PDE4B: variants seen among roughly 807,000 people sequenced by gnomAD.
PDE4B encodes the protein phosphodiesterase 4B, also known as 3',5'-cyclic-AMP phosphodiesterase 4B.
A neutral mutation model predicts 82.2 loss-of-function variants in PDE4B; 20 were observed. The observed-to-expected ratio is 0.24, with a 90% CI of 0.17 to 0.35. The LOEUF is 0.35. Ranked by LOEUF, PDE4B falls within the 10% of genes least tolerant of loss-of-function variation. PDE4B has a pLI of 1.00. For missense variants in PDE4B, 655 were observed against 907.2 expected (o/e 0.72, Z 3.57); for synonymous variants, 320 against 318.9 (o/e 1.00, Z -0.04).
Position 66,119,498 on chromosome 1 carries a change from A to G in PDE4B, c.282-127962A>G, listed in dbSNP as rs1645666174. On this transcript the variant is annotated intron_variant, in intron 3 of 16. Transcript: ENST00000341517. ...TGCGTGTATTCACTTCCCAGGAGAA[A>G]TAATATTGTCTAGCATTCTCTATAA... 2.2e-3 allele frequency among the ~76,000 whole-genome samples: 3 copies of G among 1,390 alleles called. No homozygotes were observed. In the South Asian group the frequency reaches 0.19, roughly 87 times the overall value. 0.9% of individuals were successfully genotyped at this position (1,390 alleles called of 152,430 possible).
rs181839625 is a variant in PDE4B, at chr1:66,206,497, G to C, written c.282-40963G>C. Among the ~76,000 whole-genome samples, 3 of 152,262 alleles carry C rather than the reference G, an allele frequency of 2.0e-5. No individual in the cohort carries two copies. In the East Asian group the frequency reaches 5.8e-4, roughly 29 times the overall value. On this transcript the variant is annotated intron_variant, in intron 3 of 16. Transcript: ENST00000341517. ...AAGCAGCAAGAAGGTAGAAGACTTG[G>C]TTAGGCTAGGTATACCAAACATTCT...
chr1:66,012,446 T>C (rs1652538828), intron 3 of PDE4B, among the ~76,000 whole-genome samples: 1 of 152,156 alleles, frequency 6.6e-6, no homozygotes, highest in Non-Finnish European at 1.5e-5. Context: ...TTTTTGCTTT[T>C]GTGTTCTGTC....
At chr1:66,178,145 GT>G (rs909744679) in intron 3 of PDE4B, among the ~76,000 whole-genome samples, 43 of 151,700 alleles carry the variant, frequency 2.8e-4, no homozygotes, top group African/African-American at 1.0e-3. Flanking sequence ...ACCAAGTAAT[GT>G]TTTTTTCTCT....
At chr1:66,071,772 A>T (rs1656166974) in intron 3 of PDE4B, among the ~76,000 whole-genome samples, 1 of 152,026 alleles carries the variant, frequency 6.6e-6, no homozygotes, top group South Asian at 2.1e-4. Flanking sequence ...ATGCTGTAAG[A>T]CTACGTGTTA....
chr1:65,845,311 C>G (rs1387118538), intron 1 of PDE4B, among the ~76,000 whole-genome samples: 1 of 152,146 alleles, frequency 6.6e-6, no homozygotes, highest in Non-Finnish European at 1.5e-5. Context: ...TTTTTCCAAT[C>G]TAAATTTTTA....
At chr1:66,005,972 T>C (rs1652125370) in intron 3 of PDE4B, among the ~76,000 whole-genome samples, 1 of 152,178 alleles carries the variant, frequency 6.6e-6, no homozygotes, top group Non-Finnish European at 1.5e-5. Context: ...ATAGTATGAA[T>C]ATTCAATACC....
chr1:65,805,535 C>T (rs779710747), intron 1 of PDE4B, among the ~76,000 whole-genome samples: 1 of 152,036 alleles, frequency 6.6e-6, no homozygotes, highest in African/African-American at 2.4e-5. Flanking sequence ...AATCATTGTG[C>T]AGCTTTTTTT....
At chr1:66,097,875 T>C (rs899906762) in intron 3 of PDE4B, among the ~76,000 whole-genome samples, 24 of 140,134 alleles carry the variant, frequency 1.7e-4, no homozygotes, top group East Asian at 1.4e-3. Flanking sequence ...TTTTTTTTTT[T>C]GTATTTTTTA....
At chr1:65,823,914 C>A (rs1205801543) in intron 1 of PDE4B, among the ~76,000 whole-genome samples, 2 of 152,190 alleles carry the variant, frequency 1.3e-5, no homozygotes, top group Non-Finnish European at 2.9e-5. Context: ...TGAAAGCAAT[C>A]ATCCATTCTC....
chr1:65,937,116 T>TG (rs781619028), intron 3 of PDE4B, among the ~76,000 whole-genome samples: 4 of 152,198 alleles, frequency 2.6e-5, no homozygotes, highest in Non-Finnish European at 5.9e-5. Context: ...ATTATAAATA[T>TG]GGTTGCTTGT....
chr1:66,108,361 T>C (rs1166349151), intron 3 of PDE4B, among the ~76,000 whole-genome samples: 1 of 151,850 alleles, frequency 6.6e-6, no homozygotes, highest in African/African-American at 2.4e-5. Context: ...GAAGAAAACA[T>C]AGGGGAAAAG....
chr1:65,845,463 C>T, intron 1 of PDE4B, among the ~76,000 whole-genome samples: 1 of 152,164 alleles, frequency 6.6e-6, no homozygotes, highest in East Asian at 1.9e-4. Flanking sequence ...AGCTCCCTCT[C>T]TCTACAGCAT....
intron 3 of PDE4B, among the ~76,000 whole-genome samples, chr1:66,122,700 T>C (rs1645735471): frequency 1.1e-5 from 1 of 94,918 alleles, no homozygotes; most frequent in African/African-American, 3.8e-5. Flanking sequence ...TTTCTCTTCT[T>C]TTCTTTTTTT....
At chr1:65,977,297 C>A (rs1366775338) in intron 3 of PDE4B, among the ~76,000 whole-genome samples, 1 of 152,134 alleles carries the variant, frequency 6.6e-6, no homozygotes, top group East Asian at 1.9e-4. Context: ...GTTTAGAAAG[C>A]TTTTAAGAGA....
chr1:66,014,075 T>C lies in PDE4B; in HGVS notation c.281+95240T>C, dbSNP rs925917044. ...GATGTTGAGCAGCTTTTCACGTGAT[T>C]ATTGGCCATTTAGTATCTTCTCTGG... On this transcript the variant is annotated intron_variant, in intron 3 of 16. Coordinates refer to ENST00000341517, the MANE Select transcript of PDE4B (RefSeq NM_002600.4). 1.1e-3 allele frequency among the ~76,000 whole-genome samples: 6 copies of C among 5,618 alleles called. No individual in the cohort carries two copies. The Non-Finnish European group carries it at 0.088, about 83-fold the overall frequency. 3.7% of individuals were successfully genotyped at this position (5,618 alleles called of 152,430 possible).
chr1:66,253,829 C>G (rs1043366432), intron 4 of PDE4B, among the ~76,000 whole-genome samples: 4 of 152,172 alleles, frequency 2.6e-5, no homozygotes, highest in African/African-American at 9.7e-5. Context: ...TTTGGCAGCT[C>G]AAATTGTTTA....
chr1:66,282,207 A>G (rs930440356), intron 7 of PDE4B, among the ~76,000 whole-genome samples: 3 of 152,232 alleles, frequency 2.0e-5, no homozygotes, highest in African/African-American at 7.2e-5. Context: ...AGAATTTAGA[A>G]GAAAATACAT....
At chr1:66,256,934 A>T (rs72924473) in intron 4 of PDE4B, among the ~76,000 whole-genome samples, 7 of 152,162 alleles carry the variant, frequency 4.6e-5, no homozygotes, top group Non-Finnish European at 8.8e-5. Flanking sequence ...GTTTAAGTAG[A>T]TTTCTCAAAG....
At chr1:66,323,599 A>T (rs559793928) in intron 7 of PDE4B, among the ~76,000 whole-genome samples, 1 of 152,306 alleles carries the variant, frequency 6.6e-6, no homozygotes, top group South Asian at 2.1e-4. Flanking sequence ...AATAAATAAT[A>T]GCCAACATTC....
Sources: gnomAD v4.1 joint callset for allele counts (sites outside exome capture counted in the v4.1 genomes callset) on GRCh38, gnomAD v4.1.1 for gene constraint, MANE v1.5 for transcripts, NCBI Gene and HGNC (gene_info 2026-07-23, HGNC 2026-07-21) for gene names.